The following ZNF469 variants were observed in gnomAD, a reference collection of about 807,000 sequenced individuals.
The protein encoded by ZNF469 is zinc finger protein 469.
ZNF469 carries 1 observed loss-of-function variant against 1.0 expected under a neutral mutation model. The observed-to-expected ratio is 1.00, with a 90% CI of 0.35 to 4.73. The LOEUF (loss-of-function observed/expected upper bound fraction) is 4.73, where lower values mean the gene tolerates loss of function less well. ZNF469 is among the 30% of genes most tolerant of loss of function. The probability of loss-of-function intolerance (pLI) is 0.16; values close to 1 mark genes in which losing one functional copy is unlikely to be tolerated. For missense variants in ZNF469, 6,100 were observed against 5,356.3 expected, an observed-to-expected ratio of 1.14 and a Z score of -4.33; for synonymous variants, 2,703 against 2,363.4, an observed-to-expected ratio of 1.14 and a Z score of -4.17.
At chr16:88,331,557 TCATCAC>T in the ZNF469 span, among the ~76,000 whole-genome samples, 17 of 145,980 alleles carry the variant, frequency 1.2e-4, no homozygotes, top group Non-Finnish European at 2.4e-4. Context: ...ACCACCATCG[TCATCAC>T]CATCACCACC....
Position 88,437,128 on chromosome 16 carries a change from G to A in ZNF469, c.9658G>A (p.Gly3220Ser). 1 of 1,548,466 alleles carries A rather than the reference G, an allele frequency of 6.5e-7. No homozygotes were observed. Among genetic ancestry groups the A allele is most frequent in the South Asian group, 1.2e-5 (1 of 84,054 alleles). Reference sequence around the variant, plus strand: ...GGGGGACCTGCCCGGAGGCCTGGAGGGCAGCAGCGCTGTCGCCCACCTTCT... The same window carrying A: ...GGGGGACCTGCCCGGAGGCCTGGAGAGCAGCAGCGCTGTCGCCCACCTTCT... ...SLGDLPGGLEGSSAVAHLLNS... is the reference protein window; with the variant it reads ...SLGDLPGGLESSSAVAHLLNS... The change falls in exon 3 of 3, where the codon GGC (glycine) becomes AGC (serine). Residue 3220 changes from glycine to serine, a missense_variant. Gly to Ser is a moderately conservative substitution (Grantham distance 56, BLOSUM62 0). Transcript: ENST00000565624.
At chr16:88,327,697 C>A in the ZNF469 span, among the ~76,000 whole-genome samples, 2 of 152,298 alleles carry the variant, frequency 1.3e-5, no homozygotes, top group East Asian at 3.9e-4. Context: ...CCCCTCCCAC[C>A]TTCCGTGCAC....
chr16:88,114,597 G>A, the ZNF469 span, among the ~76,000 whole-genome samples: 16 of 152,228 alleles, frequency 1.1e-4, no homozygotes, highest in Non-Finnish European at 1.6e-4. Context: ...AGACGGAGCC[G>A]TGGTTCTGGT....
In ZNF469 at chr16:88,437,721, C is replaced by T. The variant is rs1033629139; in HGVS notation, c.10251C>T (p.Ser3417=). Reference sequence around the variant, plus strand: ...CGGTTATGCGCATCATCAAGAAGTCCTTCGCCTGCAGCTCCTGCAACTACA... The same window carrying T: ...CGGTTATGCGCATCATCAAGAAGTCTTTCGCCTGCAGCTCCTGCAACTACA... ...CATVMRIIKK[S]FACSSCNYTF... is the part of the protein sequence containing the mutation. The change falls in exon 3 of 3, where the codon TCC becomes TCT. Residue 3417 remains serine, a synonymous_variant. Transcript: ENST00000565624. 1 of 1,549,824 alleles carries T rather than the reference C, an allele frequency of 6.5e-7. No homozygotes were observed.
the ZNF469 span, among the ~76,000 whole-genome samples, chr16:88,201,968 G>A: frequency 6.6e-6 from 1 of 152,152 alleles, no homozygotes; most frequent in African/African-American, 2.4e-5. The surrounding 1 kb of genome is among the most constrained non-coding windows in gnomAD (Gnocchi z 5.0). Flanking sequence ...TGGGTCCAGG[G>A]TGTCCTCCTG....
chr16:88,111,073 C>A, the ZNF469 span, among the ~76,000 whole-genome samples: 1 of 152,252 alleles, frequency 6.6e-6, no homozygotes, highest in Non-Finnish European at 1.5e-5. Context: ...CCCCAGGCAC[C>A]TGGGCCGGTG....
chr16:88,263,234 A>G, the ZNF469 span, among the ~76,000 whole-genome samples: 2 of 151,944 alleles, frequency 1.3e-5, no homozygotes, highest in Admixed American at 1.3e-4. Context: ...TGCCTCCCCC[A>G]CCCCACCCAG....
the ZNF469 span, among the ~76,000 whole-genome samples, chr16:88,275,216 A>G: frequency 0.028 from 4,311 of 152,278 alleles, 212 homozygotes; most frequent in African/African-American, 0.098. Flanking sequence ...GACAGTCCGA[A>G]CGATCCTACA....
At chr16:88,408,187 C>G (rs903860756) in intron 1 of ZNF469, among the ~76,000 whole-genome samples, 3 of 152,230 alleles carry the variant, frequency 2.0e-5, no homozygotes, top group Non-Finnish European at 2.9e-5. Context: ...GAGTCTCACT[C>G]TGTTGCCCAG....
chr16:88,396,729 GGGAGGAGACCCTCATAAAGGGAGGCCA>G (rs1567500115), intron 1 of ZNF469, among the ~76,000 whole-genome samples: 4 of 141,192 alleles, frequency 2.8e-5, no homozygotes, highest in Non-Finnish European at 4.6e-5. Flanking sequence ...AAGGGAGGCC[GGGAGGAGACCCTCATAAAGGGAGGCCA>G]GGAGGAGACC....
chr16:88,228,737 C>G, the ZNF469 span, among the ~76,000 whole-genome samples: 8 of 152,322 alleles, frequency 5.3e-5, no homozygotes, highest in Middle Eastern at 0.01. Context: ...CTTTGCTCCC[C>G]CTGTGAATTG....
chr16:88,303,194 C>T, the ZNF469 span, among the ~76,000 whole-genome samples: 5 of 152,274 alleles, frequency 3.3e-5, no homozygotes, highest in South Asian at 2.1e-4. Flanking sequence ...CTGTCATTGT[C>T]GGAGCAATCC....
chr16:88,148,065 A>C, the ZNF469 span, among the ~76,000 whole-genome samples: 1 of 151,312 alleles, frequency 6.6e-6, no homozygotes, highest in Non-Finnish European at 1.5e-5. Context: ...CCCGCTCTGC[A>C]GCCTGCAGTG....
In ZNF469 at chr16:88,439,430, C is replaced by G; in HGVS notation, c.*98C>G. The G allele has an allele frequency of 7.4e-7, 1 of 1,344,892 alleles. No homozygotes were observed. The highest frequency in any genetic ancestry group is 2.0e-5 in the Admixed American group (1 of 49,912). 83.3% of individuals were successfully genotyped at this position (1,344,892 alleles called of 1,614,324 possible). A position where few individuals can be genotyped will look rare whatever the true frequency, so the allele number is the denominator to read the frequency against. On this transcript the variant is annotated 3_prime_UTR_variant, in exon 3 of 3. Coordinates refer to ENST00000565624, the MANE Select transcript of ZNF469 (RefSeq NM_001367624.2). The stretch of plus-strand genomic sequence containing the variant: ...TCCCTGAGATGGTCCACTCTGTGGC[C>G]ACTTGACTTCTTGTGCAACTGCTCA...
chr16:88,365,237 T>G, the ZNF469 span, among the ~76,000 whole-genome samples: 1 of 152,194 alleles, frequency 6.6e-6, no homozygotes, highest in Non-Finnish European at 1.5e-5. Flanking sequence ...TGCCAGATAT[T>G]AGTTGTGTTC....
At chr16:88,383,483 G>A (rs2092530554) in intron 1 of ZNF469, among the ~76,000 whole-genome samples, 1 of 149,108 alleles carries the variant, frequency 6.7e-6, no homozygotes, top group Non-Finnish European at 1.5e-5. Context: ...GCGAGCGCCG[G>A]GGCCCGGCGG....
intron 1 of ZNF469, among the ~76,000 whole-genome samples, chr16:88,403,734 A>G (rs996433268): frequency 6.6e-6 from 1 of 152,030 alleles, no homozygotes; most frequent in Non-Finnish European, 1.5e-5. Context: ...GAATTGTTTT[A>G]CTCTCAGAAG....
intron 1 of ZNF469, among the ~76,000 whole-genome samples, chr16:88,405,848 C>T (rs1259307058): frequency 6.6e-6 from 1 of 152,236 alleles, no homozygotes; most frequent in Non-Finnish European, 1.5e-5. Context: ...CAGCTCTTGG[C>T]CTCAGAAGCG....
At chr16:88,279,852 G>A in the ZNF469 span, among the ~76,000 whole-genome samples, 4 of 137,458 alleles carry the variant, frequency 2.9e-5, no homozygotes, top group Middle Eastern at 3.6e-3. Flanking sequence ...GTGCCATGCT[G>A]ACACTCGGTC....
Sources: allele counts gnomAD v4.1 joint callset (sites outside exome capture counted in the v4.1 genomes callset), GRCh38; gene constraint gnomAD v4.1.1; non-coding constraint Gnocchi (gnomAD v3.1); transcripts MANE v1.5; gene names NCBI Gene and HGNC (gene_info 2026-07-23, HGNC 2026-07-21).